TPM1: variants seen among roughly 807,000 people sequenced by gnomAD.
TPM1 encodes tropomyosin alpha-1 chain.
TPM1 carries 24 observed loss-of-function variants against 42.9 expected under a neutral mutation model. That is an observed-to-expected ratio of 0.56 (90% CI 0.41 to 0.79). The LOEUF is 0.79. Ranked by LOEUF, TPM1 falls within the 30% of genes least tolerant of loss-of-function variation. The pLI, the probability that TPM1 is intolerant of heterozygous loss-of-function variation, is 0.00. For synonymous variants in TPM1, 136 were observed against 130.1 expected, an observed-to-expected ratio of 1.05 and a Z score of -0.31; for missense variants, 158 against 351.8, an observed-to-expected ratio of 0.45 and a Z score of 4.41.
Position 63,061,921 on chromosome 15 carries a change from C to T in TPM1, c.639+133C>T, listed in dbSNP as rs570583249. 1.6e-5 allele frequency: 13 copies of T among 807,474 alleles called. No individual in the cohort carries two copies. In the African/African-American group the frequency reaches 2.3e-4, roughly 14 times the overall value. The allele number at this position is 807,474 out of a possible 1,614,324, so 50.0% of individuals were successfully genotyped here. Reference sequence around the variant, plus strand: ...TTGTGAGGTGATTTTTGGAGAGTTACTAGATAACAAATTCTTTTTTTTAAC... The same window carrying T: ...TTGTGAGGTGATTTTTGGAGAGTTATTAGATAACAAATTCTTTTTTTTAAC... On this transcript the variant is annotated intron_variant, in intron 6 of 9. Coordinates refer to ENST00000403994, the MANE Select transcript of TPM1 (RefSeq NM_001018005.2).
chr15:63,070,038 A>C, downstream of TPM1: 1 of 1,590,166 alleles, frequency 6.3e-7, no homozygotes, highest in East Asian at 2.2e-5. Context: ...AGAGTTGAAA[A>C]CAGTTGCTTT....
At chr15:63,056,849 C>T (rs1185210946) in intron 2 of TPM1, 136 bp from the exon 3 acceptor site, 2 of 1,142,886 alleles carry the variant, frequency 1.7e-6, no homozygotes, top group Non-Finnish European at 2.6e-6. Flanking sequence ...TTGATGAGGG[C>T]TTGTAATGCA....
chr15:63,064,068 G>A lies in TPM1; in HGVS notation c.777G>A (p.Glu259=). ...CCTTCCACTTCCTGGTCATAGACGAGCTGTACGCTCAGAAACTGAAGTACA... is the reference window on the plus strand; with the variant it reads ...CCTTCCACTTCCTGGTCATAGACGAACTGTACGCTCAGAAACTGAAGTACA... ...LEKSIDDLED[E]LYAQKLKYKA... Residue 259 remains glutamate (E), a synonymous_variant, in exon 9 of 10, where the codon GAG becomes GAA. Transcript: ENST00000403994. 5.0e-6 allele frequency: 8 copies of A among 1,613,998 alleles called. No individual in the cohort carries two copies. Among genetic ancestry groups the A allele is most frequent in the Non-Finnish European group, 6.8e-6 (8 of 1,180,016 alleles).
chr15:63,051,163 A>G (rs2033778690), intron 2 of TPM1, among the ~76,000 whole-genome samples: 1 of 152,238 alleles, frequency 6.6e-6, no homozygotes, highest in Non-Finnish European at 1.5e-5. Context: ...CTTTCTGAGT[A>G]GTATCCAGCA....
At chr15:63,063,908 TCCTGCATTGGCCA>T in intron 8 of TPM1, 143 bp from the exon 9 acceptor site, 1 of 999,746 alleles carries the variant, frequency 1.0e-6, no homozygotes. Flanking sequence ...AACGCACGCC[TCCTGCATTGGCCA>T]CCTGCTGCGG....
chr15:63,043,708 C>T, intron 1 of TPM1: 1 of 1,546,258 alleles, frequency 6.5e-7, no homozygotes, highest in Non-Finnish European at 8.7e-7. Context: ...GCCCCCAGCT[C>T]GAGGAGGACA....
At chr15:63,054,146 C>T (rs1050644347) in intron 2 of TPM1, among the ~76,000 whole-genome samples, 7 of 152,152 alleles carry the variant, frequency 4.6e-5, no homozygotes, top group African/African-American at 1.4e-4. Flanking sequence ...CTCAGGTCTG[C>T]TGTGTGTGCC....
At chr15:63,053,444 A>G (rs984367607) in intron 2 of TPM1, among the ~76,000 whole-genome samples, 1 of 152,150 alleles carries the variant, frequency 6.6e-6, no homozygotes, top group Non-Finnish European at 1.5e-5. Context: ...CTGGGAGCCT[A>G]GTGACTTGGA....
downstream of TPM1, among the ~76,000 whole-genome samples, chr15:63,069,238 C>T (rs943349036): frequency 4.6e-5 from 7 of 152,186 alleles, no homozygotes; most frequent in Non-Finnish European, 8.8e-5. Flanking sequence ...GAATGGATAA[C>T]ACTATCAAAG....
chr15:63,043,507 C>A, intron 1 of TPM1: 1 of 841,788 alleles, frequency 1.2e-6, no homozygotes, highest in Non-Finnish European at 1.9e-6. Context: ...GGAGTCTCGT[C>A]CCAGGGCAGG....
intron 2 of TPM1, chr15:63,046,960 T>C (rs1209394832): frequency 6.6e-6 from 1 of 152,186 alleles, no homozygotes; most frequent in African/African-American, 2.4e-5. Context: ...GGCATGAAAA[T>C]GAACTCACCT....
At chr15:63,066,928 A>G (rs1382638558), downstream of TPM1, among the ~76,000 whole-genome samples, 1 of 152,056 alleles carries the variant, frequency 6.6e-6, no homozygotes, top group Admixed American at 6.5e-5. Context: ...GTTGGTGGAA[A>G]TTGTTCAGAA....
At chr15:63,043,845 G>A (rs2031781935) in intron 1 of TPM1, 182 bp from the exon 2 acceptor site, 3 of 1,548,522 alleles carry the variant, frequency 1.9e-6, no homozygotes, top group East Asian at 2.4e-5. Context: ...CCCGGGGCGC[G>A]CGGCACGGCG....
Position 63,062,289 on chromosome 15 carries a change from G to A in TPM1, c.702+12G>A, listed in dbSNP as rs1320865775. ...ACAAGCTGAAGGAGGTAATATGAGA[G>A]TTGTGGATGAAGCCAACTGGATTTT... On this transcript the variant is annotated intron_variant, in intron 7 of 9. Transcript: ENST00000403994. 1 of 1,613,468 alleles carries A rather than the reference G, an allele frequency of 6.2e-7. No homozygotes were observed. The highest frequency in any genetic ancestry group is 8.5e-7 in the Non-Finnish European group (1 of 1,179,372).
chr15:63,059,437 A>G (rs1407922942), intron 3 of TPM1, 126 bp from the exon 4 acceptor site: 1 of 693,386 alleles, frequency 1.4e-6, no homozygotes, highest in South Asian at 1.4e-5. Flanking sequence ...TTTGGAAAAT[A>G]AAAGTAGCTC....
chr15:63,064,444 C>T (rs770441594), intron 9 of TPM1: 17 of 1,196,402 alleles, frequency 1.4e-5, no homozygotes, highest in Non-Finnish European at 1.6e-5. Flanking sequence ...AAGCTAAACT[C>T]AAGTAAAACT....
chr15:63,048,584 G>GA, intron 2 of TPM1: 1 of 1,529,696 alleles, frequency 6.5e-7, no homozygotes, highest in Non-Finnish European at 8.8e-7. Flanking sequence ...CGATGGCGGG[G>GA]AGTAGCTCGC....
downstream of TPM1, among the ~76,000 whole-genome samples, chr15:63,068,649 G>A (rs759730246): frequency 6.6e-6 from 1 of 152,138 alleles, no homozygotes; most frequent in South Asian, 2.1e-4. Context: ...TGTTCCCAGT[G>A]CATACCGGGC....
At chr15:63,061,150 A>T in intron 5 of TPM1, 1 of 1,592,914 alleles carries the variant, frequency 6.3e-7, no homozygotes, top group Non-Finnish European at 8.6e-7. Context: ...CCTTACCTGC[A>T]CACTGATTTT....
Sources: gnomAD v4.1 joint callset for allele counts (sites outside exome capture counted in the v4.1 genomes callset) on GRCh38, gnomAD v4.1.1 for gene constraint, MANE v1.5 for transcripts, NCBI Gene and HGNC (gene_info 2026-07-23, HGNC 2026-07-21) for gene names.